CNTNAP2: variants seen among roughly 807,000 people sequenced by gnomAD.
CNTNAP2 encodes the protein contactin-associated protein-like 2.
CNTNAP2 carries 98 observed loss-of-function variants against 155.2 expected under a neutral mutation model. The ratio of observed to expected loss-of-function variants is 0.63; its 90% CI spans 0.54 to 0.75. The LOEUF is 0.75. Ranked by LOEUF, CNTNAP2 falls within the 30% of genes least tolerant of loss-of-function variation. The pLI is 0.00. For missense variants in CNTNAP2, 1,727 were observed against 1,688.1 expected (o/e 1.02, Z -0.40); for synonymous variants, 651 against 631.2 (o/e 1.03, Z -0.47).
intron 12 of CNTNAP2, among the ~76,000 whole-genome samples, chr7:147,601,563 T>C (rs1213833077): frequency 6.6e-6 from 1 of 151,112 alleles, no homozygotes; most frequent in Non-Finnish European, 1.5e-5. Context: ...TCACAGGTGA[T>C]ATGATGGCTT....
At chr7:147,857,870 T>G (rs369788074) in intron 13 of CNTNAP2, among the ~76,000 whole-genome samples, 1 of 152,216 alleles carries the variant, frequency 6.6e-6, no homozygotes. Flanking sequence ...CTGCAAGTAA[T>G]TATGTACCTA....
intron 10 of CNTNAP2, among the ~76,000 whole-genome samples, chr7:147,458,057 CA>C (rs1797952997): frequency 6.6e-6 from 1 of 152,058 alleles, no homozygotes. Context: ...GGAAAGAGGT[CA>C]TCACTTTATT....
intron 1 of CNTNAP2, among the ~76,000 whole-genome samples, chr7:146,396,624 C>T (rs987454382): frequency 1.3e-5 from 2 of 151,246 alleles, no homozygotes; most frequent in Non-Finnish European, 2.9e-5. Flanking sequence ...TTAAAAGTCG[C>T]ATTATTATTA....
At chr7:147,937,893 G>T (rs1800642011) in intron 14 of CNTNAP2, among the ~76,000 whole-genome samples, 2 of 152,064 alleles carry the variant, frequency 1.3e-5, no homozygotes, top group East Asian at 3.8e-4. Context: ...TAATCTTAAT[G>T]ATGATGACGA....
At chr7:146,859,299 T>C (rs773567620) in intron 3 of CNTNAP2, among the ~76,000 whole-genome samples, 2 of 152,236 alleles carry the variant, frequency 1.3e-5, no homozygotes, top group African/African-American at 2.4e-5. Context: ...AACAGTATTA[T>C]GCATTAGCCC....
chr7:147,098,249 G>A (rs892756714), intron 4 of CNTNAP2, among the ~76,000 whole-genome samples: 7 of 152,030 alleles, frequency 4.6e-5, no homozygotes, highest in African/African-American at 1.5e-4. Flanking sequence ...TACACACATG[G>A]GCCCTCAGCT....
chr7:146,363,120 T>A (rs750572045), intron 1 of CNTNAP2, among the ~76,000 whole-genome samples: 3 of 152,164 alleles, frequency 2.0e-5, no homozygotes, highest in Non-Finnish European at 4.4e-5. Flanking sequence ...AATATTTACA[T>A]AGCACTTATA....
chr7:146,461,232 C>A (rs1796631206), intron 1 of CNTNAP2, among the ~76,000 whole-genome samples: 1 of 151,528 alleles, frequency 6.6e-6, no homozygotes, highest in South Asian at 2.1e-4. Flanking sequence ...GAAACCCCGT[C>A]TCTACTAAAA....
intron 10 of CNTNAP2, among the ~76,000 whole-genome samples, chr7:147,449,886 C>T (rs992478007): frequency 4.6e-5 from 7 of 152,152 alleles, no homozygotes; most frequent in Non-Finnish European, 1.0e-4. Context: ...TTCAATTTGT[C>T]AGCCAATCAC....
chr7:147,994,987 T>C (rs1260945335), intron 15 of CNTNAP2, among the ~76,000 whole-genome samples: 4 of 152,136 alleles, frequency 2.6e-5, no homozygotes, highest in African/African-American at 9.7e-5. Flanking sequence ...GAAACGTGCA[T>C]GAGATGAAGT....
intron 1 of CNTNAP2, among the ~76,000 whole-genome samples, chr7:146,659,330 T>A: frequency 6.6e-6 from 1 of 152,192 alleles, no homozygotes; most frequent in East Asian, 1.9e-4. Context: ...CTTTCAGGCC[T>A]GCCTTTGGAA....
At chr7:147,715,471 G>T (rs191641146) in intron 13 of CNTNAP2, among the ~76,000 whole-genome samples, 1 of 152,064 alleles carries the variant, frequency 6.6e-6, no homozygotes, top group Non-Finnish European at 1.5e-5. Context: ...TCTGCCATCT[G>T]TATAGTCTCT....
At chr7:147,919,168 T>A (rs916079583) in intron 14 of CNTNAP2, among the ~76,000 whole-genome samples, 2 of 152,068 alleles carry the variant, frequency 1.3e-5, no homozygotes, top group South Asian at 4.2e-4. Context: ...GACAAGGAAA[T>A]TGACTCTCAC....
At position 147,140,319 on chromosome 7, in the gene CNTNAP2, A is replaced by G. The variant is rs886579779; in HGVS notation, c.1348+7810A>G. ...CAGAGGCCGAGATCTTGCTACCCCTAGACGTACAACCTGCTGCCTGTTCCC... is the reference window on the plus strand; with the variant it reads ...CAGAGGCCGAGATCTTGCTACCCCTGGACGTACAACCTGCTGCCTGTTCCC... On this transcript the variant is annotated intron_variant, in intron 8 of 23. Coordinates refer to ENST00000361727, the MANE Select transcript of CNTNAP2 (RefSeq NM_014141.6). Among the ~76,000 whole-genome samples, 14 of 152,024 alleles carry G rather than the reference A, an allele frequency of 9.2e-5. 1 individual carries two copies. Among genetic ancestry groups the G allele is most frequent in the Middle Eastern group, 6.8e-3 (2 of 294 alleles).
At chr7:147,194,823 C>T (rs917303190) in intron 8 of CNTNAP2, among the ~76,000 whole-genome samples, 5 of 152,230 alleles carry the variant, frequency 3.3e-5, no homozygotes, top group Middle Eastern at 6.8e-3. Context: ...GATATTAGAA[C>T]TTTGTCAGAT....
At chr7:146,315,974 A>T (rs1007895704) in intron 1 of CNTNAP2, among the ~76,000 whole-genome samples, 1 of 152,330 alleles carries the variant, frequency 6.6e-6, no homozygotes, top group East Asian at 1.9e-4. Flanking sequence ...AAATTAAGAC[A>T]TAACTGCTTA....
rs146857246 is a variant in CNTNAP2 at position 148,358,998 on chromosome 7, C to T, written c.3476-24651C>T. 1.3e-3 allele frequency among the ~76,000 whole-genome samples: 196 copies of T among 152,332 alleles called. 5 individuals are homozygous for T. The highest frequency in any genetic ancestry group is 6.8e-3 in the Middle Eastern group (2 of 294). On this transcript the variant is annotated intron_variant, in intron 21 of 23. Transcript: ENST00000361727. The stretch of plus-strand genomic sequence containing the variant: ...ATGTGCTGTGTAAGGACGATTCAGT[C>T]AACCACAGACTGTGTGTACAGTGGT...
chr7:148,225,616 G>A lies in CNTNAP2; in HGVS notation c.3248-4030G>A, dbSNP rs114152719. ...TGAGCAGAGGATCACTCTGACCACC[G>A]TGTGGTGAGGACACTGTGTATCTCA... On this transcript the variant is annotated intron_variant, in intron 19 of 23. Transcript: ENST00000361727. Among the ~76,000 whole-genome samples, 773 of 152,314 alleles carry A rather than the reference G, an allele frequency of 5.1e-3. 3 individuals carry two copies. Among genetic ancestry groups the A allele is most frequent in the African/African-American group, 0.017 (700 of 41,578 alleles).
At chr7:147,021,253 C>T (rs12669150) in intron 3 of CNTNAP2, among the ~76,000 whole-genome samples, 55,304 of 151,720 alleles carry the variant, frequency 0.36, 10,281 homozygotes, top group South Asian at 0.42. Context: ...TTATGTATGG[C>T]CCAAGACAAT....
Sources: gnomAD v4.1 joint callset for allele counts (sites outside exome capture counted in the v4.1 genomes callset) on GRCh38, gnomAD v4.1.1 for gene constraint, MANE v1.5 for transcripts, NCBI Gene and HGNC (gene_info 2026-07-23, HGNC 2026-07-21) for gene names.